The following CACNA2D3 variants were observed in gnomAD, a reference collection of about 807,000 sequenced individuals.
CACNA2D3 encodes voltage-dependent calcium channel subunit alpha-2/delta-3.
A neutral mutation model predicts 160.6 loss-of-function variants in CACNA2D3; 60 were observed. The observed-to-expected ratio is 0.37, with a 90% CI of 0.30 to 0.46. The LOEUF is 0.46. Ranked by LOEUF, CACNA2D3 falls within the 20% of genes least tolerant of loss-of-function variation. CACNA2D3 has a pLI of 1.00. For synonymous variants in CACNA2D3, 558 were observed against 492.9 expected (o/e 1.13, Z -1.75); for missense variants, 1,205 against 1,365.0 (o/e 0.88, Z 1.85).
chr3:54,667,789 T>G (rs901097342), intron 11 of CACNA2D3, among the ~76,000 whole-genome samples: 1 of 151,868 alleles, frequency 6.6e-6, no homozygotes, highest in African/African-American at 2.4e-5. Flanking sequence ...TAAAAATAAT[T>G]TTTTTTAAAA....
At chr3:54,336,238 C>G (rs902586140) in intron 3 of CACNA2D3, among the ~76,000 whole-genome samples, 4 of 152,162 alleles carry the variant, frequency 2.6e-5, no homozygotes, top group African/African-American at 7.2e-5. Context: ...GGGTCCCTGA[C>G]ACGGACAAGG....
In CACNA2D3 at chr3:54,891,351, T is replaced by A. The variant is rs780889306; in HGVS notation, c.2151-4T>A. 1 of 1,612,378 alleles carries A rather than the reference T, an allele frequency of 6.2e-7. No individual in the cohort carries two copies. The highest frequency in any genetic ancestry group is 1.1e-5 in the South Asian group (1 of 91,038). On this transcript the variant is annotated splice_region_variant and splice_polypyrimidine_tract_variant and intron_variant, in intron 24 of 37. Coordinates refer to ENST00000474759, the MANE Select transcript of CACNA2D3 (RefSeq NM_018398.3). The stretch of plus-strand genomic sequence containing the variant: ...TCCCCCTGACGTCTGTTGTTCTGTT[T>A]CAGAAATTCTGACAAGGGCGTGGAG...
At chr3:54,839,634 G>C (rs778630461) in intron 16 of CACNA2D3, among the ~76,000 whole-genome samples, 19 of 152,280 alleles carry the variant, frequency 1.2e-4, no homozygotes, top group Admixed American at 5.9e-4. Flanking sequence ...GGGAGCCCAG[G>C]AATCAGGGAT....
intron 2 of CACNA2D3, among the ~76,000 whole-genome samples, chr3:54,251,264 A>G (rs1702185308): frequency 6.6e-6 from 1 of 152,144 alleles, no homozygotes; most frequent in South Asian, 2.1e-4. Flanking sequence ...TCTGCAAGAG[A>G]TGAAGTCTTC....
At chr3:54,228,469 C>T (rs1409357921) in intron 2 of CACNA2D3, among the ~76,000 whole-genome samples, 1 of 152,190 alleles carries the variant, frequency 6.6e-6, no homozygotes, top group Non-Finnish European at 1.5e-5. Context: ...AAAGATTAAA[C>T]AAGTATTTAT....
At chr3:54,553,334 A>G (rs1279116196) in intron 5 of CACNA2D3, among the ~76,000 whole-genome samples, 2 of 152,214 alleles carry the variant, frequency 1.3e-5, no homozygotes, top group East Asian at 3.9e-4. Flanking sequence ...GAAATGGGAG[A>G]CATGAAAACT....
chr3:54,635,327 T>G (rs1699347512), intron 10 of CACNA2D3, among the ~76,000 whole-genome samples: 2 of 152,018 alleles, frequency 1.3e-5, no homozygotes, highest in Admixed American at 1.3e-4. Context: ...AAAGATTATT[T>G]ATTTACTTCA....
chr3:54,457,364 G>C (rs568257644), intron 4 of CACNA2D3, among the ~76,000 whole-genome samples: 2 of 151,910 alleles, frequency 1.3e-5, no homozygotes, highest in African/African-American at 4.8e-5. Context: ...CATTTGTATA[G>C]TTCTGAAAGT....
intron 8 of CACNA2D3, among the ~76,000 whole-genome samples, chr3:54,575,319 T>A (rs1017006514): frequency 1.1e-4 from 17 of 152,232 alleles, no homozygotes; most frequent in African/African-American, 3.4e-4. Flanking sequence ...GAACTTTGGA[T>A]TCTTTAAAAC....
intron 27 of CACNA2D3, among the ~76,000 whole-genome samples, chr3:54,933,033 T>TTCCA (rs140054701): frequency 6.8e-6 from 1 of 147,024 alleles, no homozygotes; most frequent in Non-Finnish European, 1.5e-5. Flanking sequence ...TAATATTGTC[T>TTCCA]TCCATCCATC....
chr3:55,017,227 G>T (rs903171716), intron 34 of CACNA2D3, among the ~76,000 whole-genome samples: 1 of 152,150 alleles, frequency 6.6e-6, no homozygotes, highest in Non-Finnish European at 1.5e-5. Flanking sequence ...CTCCTGTGAA[G>T]AGTACCTATG....
At chr3:54,173,884 A>G (rs1462840635) in intron 2 of CACNA2D3, among the ~76,000 whole-genome samples, 1 of 152,158 alleles carries the variant, frequency 6.6e-6, no homozygotes, top group African/African-American at 2.4e-5. Context: ...TGGTTTGTAA[A>G]TCCCTGTGAG....
intron 27 of CACNA2D3, among the ~76,000 whole-genome samples, chr3:54,913,543 G>T (rs946063109): frequency 1.3e-5 from 2 of 152,122 alleles, no homozygotes; most frequent in Non-Finnish European, 2.9e-5. Context: ...CAGCCCAGTA[G>T]AGCCATAGAT....
In CACNA2D3 at chr3:54,655,526, A is replaced by G. The variant is rs146280537; in HGVS notation, c.1167+13285A>G. 2.8e-4 allele frequency among the ~76,000 whole-genome samples: 43 copies of G among 152,340 alleles called. No individual in the cohort carries two copies. The East Asian group carries it at 7.7e-3, about 27-fold the overall frequency. On this transcript the variant is annotated intron_variant, in intron 11 of 37. Transcript: ENST00000474759. ...TAGAAAGTGCTCTTTTATCCTGAAT[A>G]TGGATTAATCTTGTGTGCTGTTGTG...
At chr3:54,595,093 G>A (rs1220392365) in intron 9 of CACNA2D3, among the ~76,000 whole-genome samples, 1 of 152,210 alleles carries the variant, frequency 6.6e-6, no homozygotes, top group African/African-American at 2.4e-5. Flanking sequence ...TGAATATGAT[G>A]TGTTGGGACA....
chr3:54,164,180 C>T (rs949649152), intron 2 of CACNA2D3, among the ~76,000 whole-genome samples: 10 of 152,202 alleles, frequency 6.6e-5, no homozygotes, highest in South Asian at 2.1e-4. Flanking sequence ...GTCACTGTTT[C>T]TGTGTGTGAG....
chr3:54,572,717 C>T (rs1702519439), intron 8 of CACNA2D3, among the ~76,000 whole-genome samples: 1 of 152,192 alleles, frequency 6.6e-6, no homozygotes, highest in Admixed American at 6.5e-5. Flanking sequence ...CTCTAGTTGC[C>T]AGCCTAGTGG....
chr3:54,794,406 A>G (rs902710098), intron 13 of CACNA2D3, among the ~76,000 whole-genome samples: 2 of 152,102 alleles, frequency 1.3e-5, no homozygotes, highest in East Asian at 1.9e-4. Context: ...CTCACAATAC[A>G]TTGTTTTTAT....
intron 2 of CACNA2D3, among the ~76,000 whole-genome samples, chr3:54,170,742 T>A (rs1431765586): frequency 6.6e-6 from 1 of 152,202 alleles, no homozygotes; most frequent in Non-Finnish European, 1.5e-5. Flanking sequence ...GCTTTTTATA[T>A]AAAGTCTGGC....
Sources: gnomAD v4.1 joint callset for allele counts (sites outside exome capture counted in the v4.1 genomes callset) on GRCh38, gnomAD v4.1.1 for gene constraint, MANE v1.5 for transcripts, NCBI Gene and HGNC (gene_info 2026-07-23, HGNC 2026-07-21) for gene names.